ARHGAP5: variants seen among roughly 807,000 people sequenced by gnomAD.
The protein encoded by ARHGAP5 is Rho GTPase activating protein 5, also known as rho GTPase-activating protein 5.
A neutral mutation model predicts 116.6 loss-of-function variants in ARHGAP5; 23 were observed. That is an observed-to-expected ratio of 0.20 (90% CI 0.14 to 0.28). ARHGAP5 has a LOEUF of 0.28. Ranked by LOEUF, ARHGAP5 falls within the 10% of genes least tolerant of loss-of-function variation. The probability of loss-of-function intolerance (pLI) is 1.00; values close to 1 mark genes in which losing one functional copy is unlikely to be tolerated. For synonymous variants in ARHGAP5, 574 were observed against 602.0 expected (o/e 0.95, Z 0.68); for missense variants, 1,405 against 1,774.8 (o/e 0.79, Z 3.74).
intron 3 of ARHGAP5, among the ~76,000 whole-genome samples, chr14:32,125,380 C>T (rs759602548): frequency 1.3e-5 from 2 of 152,096 alleles, no homozygotes; most frequent in Non-Finnish European, 2.9e-5. Flanking sequence ...CTTTTTCAAT[C>T]GTTTGGTGGA....
intron 3 of ARHGAP5, among the ~76,000 whole-genome samples, chr14:32,135,518 G>A (rs893095145): frequency 1.3e-5 from 2 of 152,190 alleles, no homozygotes; most frequent in East Asian, 3.9e-4. Flanking sequence ...TACCTCCCAG[G>A]TTCAAGCAGT....
chr14:32,152,635 C>CTA, intron 6 of ARHGAP5, 107 bp downstream of exon 6: 1 of 562,254 alleles, frequency 1.8e-6, no homozygotes, highest in East Asian at 3.4e-5. Context: ...GGGACTCAGA[C>CTA]TAAACATATA....
chr14:32,079,513 GCA>G (rs1449589384), intron 1 of ARHGAP5, among the ~76,000 whole-genome samples: 8 of 152,110 alleles, frequency 5.3e-5, no homozygotes, highest in African/African-American at 1.7e-4. Flanking sequence ...AAGCATATTA[GCA>G]CAGTCATTTT....
At position 32,158,053 on chromosome 14, in the gene ARHGAP5, C is replaced by T. The variant is rs919577082; in HGVS notation, c.*3105C>T. On this transcript the variant is annotated 3_prime_UTR_variant, in exon 7 of 7. Transcript: ENST00000345122. ...TAATGTAATTTTTGTGCTTCACCTA[C>T]AGGATGCTGCAGTAAATTAAATATC... is the stretch of plus-strand genomic sequence containing the variant. The T allele has an allele frequency of 3.3e-5, 5 of 151,778 alleles. No homozygotes were observed. The highest frequency in any genetic ancestry group is 9.6e-5 in the African/African-American group (4 of 41,508). The allele number at this position is 151,778 out of a possible 1,614,324, so 9.4% of individuals were successfully genotyped here.
intron 3 of ARHGAP5, among the ~76,000 whole-genome samples, chr14:32,139,730 C>T (rs1880994756): frequency 6.6e-6 from 1 of 150,708 alleles, no homozygotes; most frequent in Non-Finnish European, 1.5e-5. Context: ...TTATTTCTTT[C>T]ATTCTGCTAG....
chr14:32,104,244 T>C (rs1417483118), intron 2 of ARHGAP5, among the ~76,000 whole-genome samples: 4 of 152,206 alleles, frequency 2.6e-5, no homozygotes, highest in Non-Finnish European at 5.9e-5. Context: ...TCCAAGTGAC[T>C]CCAGGTTTAT....
At chr14:32,105,391 A>G (rs1878965099) in intron 2 of ARHGAP5, among the ~76,000 whole-genome samples, 1 of 151,998 alleles carries the variant, frequency 6.6e-6, no homozygotes, top group Non-Finnish European at 1.5e-5. Context: ...TGAGGTTGTC[A>G]TTATTTCTTA....
chr14:32,101,683 T>C (rs182896696), intron 2 of ARHGAP5, among the ~76,000 whole-genome samples: 1 of 150,462 alleles, frequency 6.6e-6, no homozygotes, highest in East Asian at 1.9e-4. Flanking sequence ...TGTAAAAAGC[T>C]TACTATATAG....
chr14:32,090,394 T>A (rs1180247041), intron 1 of ARHGAP5, 108 bp from the exon 2 acceptor site: 2 of 426,146 alleles, frequency 4.7e-6, no homozygotes, highest in Non-Finnish European at 8.3e-6. Context: ...TTAAAATACA[T>A]GTATCATTAT....
chr14:32,083,587 A>G (rs575235467), intron 1 of ARHGAP5, among the ~76,000 whole-genome samples: 1 of 152,236 alleles, frequency 6.6e-6, no homozygotes, highest in Admixed American at 6.5e-5. Context: ...GGTACTGTTT[A>G]TTATTATGCT....
Position 32,149,916 on chromosome 14 carries a change from C to G in ARHGAP5, c.3958C>G (p.Leu1320Val). Reference protein sequence around the residue: ...KQFDQDHNINLVSMEVTVNAV... With the variant: ...KQFDQDHNINVVSMEVTVNAV... Reference sequence around the variant, plus strand: ...TTGTCTTGTAGATCATAATATCAATCTAGTGTCAATGGAAGTAACAGTAAA... The same window carrying G: ...TTGTCTTGTAGATCATAATATCAATGTAGTGTCAATGGAAGTAACAGTAAA... The change falls in exon 5 of 7, where the codon CTA (leucine) becomes GTA (valine). Residue 1320 changes from leucine (L) to valine (V), a missense_variant. By Grantham distance (32) the Leu-to-Val change is conservative. Around this residue, in one of 6 missense-constraint regions of ARHGAP5, gnomAD observed 176 missense variants for 221.2 expected, o/e 0.80. Coordinates refer to ENST00000345122, the MANE Select transcript of ARHGAP5 (RefSeq NM_001030055.2). 1 of 1,548,674 alleles carries G rather than the reference C, an allele frequency of 6.5e-7. No individual in the cohort carries two copies. Among genetic ancestry groups the G allele is most frequent in the Non-Finnish European group, 8.7e-7 (1 of 1,144,986 alleles).
At chr14:32,150,639 G>T (rs2139148410) in intron 5 of ARHGAP5, among the ~76,000 whole-genome samples, 1 of 152,238 alleles carries the variant, frequency 6.6e-6, no homozygotes, top group Non-Finnish European at 1.5e-5. Context: ...ACTCACTTCA[G>T]AGATAACAGC....
chr14:32,129,981 T>G (rs1880386881), intron 3 of ARHGAP5, among the ~76,000 whole-genome samples: 6 of 152,092 alleles, frequency 3.9e-5, no homozygotes, highest in Admixed American at 3.9e-4. Flanking sequence ...AAGGATTGCC[T>G]GATCCCGGGA....
intron 3 of ARHGAP5, among the ~76,000 whole-genome samples, chr14:32,134,846 A>C (rs1880702540): frequency 1.3e-5 from 2 of 152,184 alleles, no homozygotes; most frequent in African/African-American, 4.8e-5. Flanking sequence ...TCATTTATGC[A>C]TGTCTGATTT....
At position 32,093,180 on chromosome 14, in the gene ARHGAP5, C is replaced by T; in HGVS notation, c.2511C>T (p.His837=). 6.2e-7 allele frequency: 1 copy of T among 1,613,988 alleles called. No individual in the cohort carries two copies. The highest frequency in any genetic ancestry group is 8.5e-7 in the Non-Finnish European group (1 of 1,179,922). ...TACAGATCACAATATTATCATACCA[C>T]TCTTCAATTGGAGTAAGAAAAGATG... The part of the protein sequence containing the change: ...RRIQITILSY[H]SSIGVRKDEL... Residue 837 remains histidine, a synonymous_variant, in exon 2 of 7, where the codon CAC becomes CAT. Transcript: ENST00000345122.
At chr14:32,084,370 T>G (rs979032723) in intron 1 of ARHGAP5, among the ~76,000 whole-genome samples, 3 of 152,136 alleles carry the variant, frequency 2.0e-5, no homozygotes, top group Non-Finnish European at 4.4e-5. Context: ...CACATTATAG[T>G]CCTGGGGAAA....
Position 32,092,661 on chromosome 14 carries a change from C to A in ARHGAP5, c.1992C>A (p.Ser664=), listed in dbSNP as rs778857617. ...ATGGGTGCTTCTGTGTATTTAATTCCATTGAGTCATTGAGTTTTATTGGGG... is the reference window on the plus strand; with the variant it reads ...ATGGGTGCTTCTGTGTATTTAATTCAATTGAGTCATTGAGTTTTATTGGGG... ...KPHGCFCVFN[S]IESLSFIGEF... Residue 664 remains serine, a synonymous_variant, in exon 2 of 7, where the codon TCC becomes TCA. Coordinates refer to ENST00000345122, the MANE Select transcript of ARHGAP5 (RefSeq NM_001030055.2). The surrounding 1 kb of genome is among the most constrained non-coding windows in gnomAD (Gnocchi z 4.1). 1 of 1,613,878 alleles carries A rather than the reference C, an allele frequency of 6.2e-7. No individual in the cohort carries two copies. Among genetic ancestry groups the A allele is most frequent in the South Asian group, 1.1e-5 (1 of 91,068 alleles).
chr14:32,131,649 A>G (rs1050863336), intron 3 of ARHGAP5, among the ~76,000 whole-genome samples: 4 of 152,122 alleles, frequency 2.6e-5, no homozygotes, highest in Non-Finnish European at 5.9e-5. Flanking sequence ...TTTGTTACAT[A>G]TGTATACATG....
At chr14:32,132,997 C>T (rs1465399160) in intron 3 of ARHGAP5, among the ~76,000 whole-genome samples, 6 of 152,042 alleles carry the variant, frequency 3.9e-5, no homozygotes, top group African/African-American at 9.7e-5. Flanking sequence ...AGCCTTGTAG[C>T]ATAGTTTGAA....
Sources: allele counts gnomAD v4.1 joint callset (sites outside exome capture counted in the v4.1 genomes callset), GRCh38; gene constraint gnomAD v4.1.1; regional missense constraint gnomAD v4.1.1; non-coding constraint Gnocchi (gnomAD v3.1); transcripts MANE v1.5; gene names NCBI Gene and HGNC (gene_info 2026-07-23, HGNC 2026-07-21).